The following CBFA2T3 variants were observed in gnomAD, a reference collection of about 807,000 sequenced individuals.
CBFA2T3 encodes transcriptional corepressor CBFA2T3.
CBFA2T3 carries 31 observed loss-of-function variants against 58.6 expected under a neutral mutation model. The ratio of observed to expected loss-of-function variants is 0.53; its 90% CI spans 0.40 to 0.71. The LOEUF is 0.71. CBFA2T3 is among the 30% of genes least tolerant of loss of function. The pLI, the probability that CBFA2T3 is intolerant of heterozygous loss-of-function variation, is 0.00. For missense variants in CBFA2T3, 1,076 were observed against 963.1 expected (o/e 1.12, Z -1.55); for synonymous variants, 531 against 421.9 (o/e 1.26, Z -3.17).
At chr16:88,952,663 T>C (rs1226482343) in intron 1 of CBFA2T3, among the ~76,000 whole-genome samples, 1 of 151,970 alleles carries the variant, frequency 6.6e-6, no homozygotes, top group Non-Finnish European at 1.5e-5. Context: ...GCCCACAAAC[T>C]CCTCTTAGCC....
chr16:88,904,647 C>T (rs898043981), intron 1 of CBFA2T3, among the ~76,000 whole-genome samples: 2 of 152,170 alleles, frequency 1.3e-5, no homozygotes, highest in African/African-American at 4.8e-5. Flanking sequence ...GGTGTCCTCC[C>T]CTCCGTTCTC....
In CBFA2T3 at chr16:88,915,937, AGT is replaced by A. The variant is rs370133457; in HGVS notation, c.152-14283_152-14282del. Among the ~76,000 whole-genome samples, 550 of 151,872 alleles carry A rather than the reference AGT, an allele frequency of 3.6e-3. 4 individuals carry two copies. Among genetic ancestry groups the A allele is most frequent in the African/African-American group, 0.012 (514 of 41,434 alleles). ...TATCCATTAGGCATGTGTGCGTGTG[AGT>A]GTGCATGCATGAGTGTACGTGGGTG... is the stretch of plus-strand genomic sequence containing the variant. On this transcript the variant is annotated intron_variant, in intron 1 of 11. Coordinates refer to ENST00000268679, the MANE Select transcript of CBFA2T3 (RefSeq NM_005187.6).
At chr16:88,967,208 C>A (rs1187265850) in intron 1 of CBFA2T3, among the ~76,000 whole-genome samples, 2 of 114,276 alleles carry the variant, frequency 1.8e-5, no homozygotes, top group Admixed American at 8.1e-5. Flanking sequence ...CGAGGCAGCG[C>A]CATGCCACCC....
intron 1 of CBFA2T3, among the ~76,000 whole-genome samples, chr16:88,940,735 G>A (rs1241645775): frequency 2.0e-5 from 3 of 152,106 alleles, no homozygotes; most frequent in East Asian, 3.9e-4. Flanking sequence ...GCCTTTGTTA[G>A]GAAAACCGGG....
chr16:88,876,730 T>C lies in CBFA2T3; in HGVS notation c.*246A>G. The stretch of plus-strand genomic sequence containing the variant: ...TCTGAGGATGCTTGAAGAGACGTTG[T>C]CAGGAGGTCTCCGCGCGGAATCATT... On this transcript the variant is annotated 3_prime_UTR_variant, in exon 12 of 12. Coordinates refer to ENST00000268679, the MANE Select transcript of CBFA2T3 (RefSeq NM_005187.6). 2.2e-6 allele frequency: 1 copy of C among 451,842 alleles called. No individual in the cohort carries two copies. Among genetic ancestry groups the C allele is most frequent in the East Asian group, 3.6e-5 (1 of 27,744 alleles). 28.0% of individuals were successfully genotyped at this position (451,842 alleles called of 1,614,324 possible).
rs767427959 is a variant in CBFA2T3 at position 88,898,155 on chromosome 16, G to A, written c.305-3C>T. ...CGTCGCAGGCCCGTCCTCTCGATCTGTAAGCAAAATAAGAAGAACACGCTG... is the reference window on the plus strand; with the variant it reads ...CGTCGCAGGCCCGTCCTCTCGATCTATAAGCAAAATAAGAAGAACACGCTG... On this transcript the variant is annotated splice_region_variant and splice_polypyrimidine_tract_variant and intron_variant, in intron 2 of 11. Coordinates refer to ENST00000268679, the MANE Select transcript of CBFA2T3 (RefSeq NM_005187.6). The A allele has an allele frequency of 2.9e-5, 47 of 1,610,708 alleles. No individual in the cohort carries two copies. The South Asian group carries it at 4.1e-4, about 14-fold the overall frequency.
At chr16:88,915,727 G>A (rs1230313137) in intron 1 of CBFA2T3, among the ~76,000 whole-genome samples, 2 of 117,384 alleles carry the variant, frequency 1.7e-5, no homozygotes, top group Non-Finnish European at 3.6e-5. Flanking sequence ...GAGGGGGAGC[G>A]TGGAAGGGGG....
intron 8 of CBFA2T3, among the ~76,000 whole-genome samples, chr16:88,882,191 G>A (rs1205872466): frequency 2.6e-5 from 4 of 152,242 alleles, no homozygotes; most frequent in Non-Finnish European, 5.9e-5. Flanking sequence ...CCACACAGGA[G>A]GGCACTGAGC....
At chr16:88,967,654 G>A (rs1432716239) in intron 1 of CBFA2T3, among the ~76,000 whole-genome samples, 3 of 152,180 alleles carry the variant, frequency 2.0e-5, no homozygotes, top group South Asian at 2.1e-4. Flanking sequence ...GGAGCAGGCC[G>A]GGGACGGGGA....
chr16:88,960,711 C>G (rs1390797690), intron 1 of CBFA2T3, among the ~76,000 whole-genome samples: 1 of 152,236 alleles, frequency 6.6e-6, no homozygotes, highest in African/African-American at 2.4e-5. Context: ...AGGTACCAGA[C>G]AGTGTCGTTG....
At chr16:88,946,747 C>T (rs973982994) in intron 1 of CBFA2T3, among the ~76,000 whole-genome samples, 1 of 152,012 alleles carries the variant, frequency 6.6e-6, no homozygotes, top group African/African-American at 2.4e-5. Context: ...TCCCACAGTG[C>T]TGGGATTACA....
intron 1 of CBFA2T3, among the ~76,000 whole-genome samples, chr16:88,967,009 G>T (rs1435380353): frequency 6.6e-6 from 1 of 152,192 alleles, no homozygotes; most frequent in Non-Finnish European, 1.5e-5. Context: ...ACGAGGGAAA[G>T]CATCCTTGAT....
chr16:88,897,893 G>A (rs1044472419), intron 3 of CBFA2T3, among the ~76,000 whole-genome samples, 185 bp downstream of exon 3: 4 of 152,332 alleles, frequency 2.6e-5, no homozygotes, highest in South Asian at 2.1e-4. Context: ...GCAGCGACCC[G>A]GCGGCTCTGC....
chr16:88,941,253 G>GGTC, intron 1 of CBFA2T3: 1 of 830,950 alleles, frequency 1.2e-6, no homozygotes, highest in Non-Finnish European at 1.4e-6. Flanking sequence ...AACAAAGCGC[G>GGTC]CACCCCGCCC....
At chr16:88,925,861 C>T (rs953172360) in intron 1 of CBFA2T3, among the ~76,000 whole-genome samples, 2 of 152,222 alleles carry the variant, frequency 1.3e-5, no homozygotes, top group East Asian at 1.9e-4. Flanking sequence ...GGTGGCACTG[C>T]GGAGTCGGTG....
rs779901587 is a variant in CBFA2T3, at chr16:88,892,412, G to C, written c.453C>G (p.Gly151=). ...APCTPNGFSN[G]PATSSTASLS... ...AGGAGGCTGTGGACGAGGTGGCCGG[G>C]CCATTGCTGAAGCCGTTGGGTGTGC... The change falls in exon 4 of 12, where the codon GGC becomes GGG. Residue 151 remains glycine, a synonymous_variant. Transcript: ENST00000268679. 6.2e-7 allele frequency: 1 copy of C among 1,613,574 alleles called. No homozygotes were observed. The highest frequency in any genetic ancestry group is 8.5e-7 in the Non-Finnish European group (1 of 1,180,022).
chr16:88,911,512 G>C (rs975714560), intron 1 of CBFA2T3, among the ~76,000 whole-genome samples: 3 of 152,230 alleles, frequency 2.0e-5, no homozygotes, highest in African/African-American at 7.2e-5. Flanking sequence ...TGAAGGACAG[G>C]GGCAGGGAGG....
intron 5 of CBFA2T3, among the ~76,000 whole-genome samples, chr16:88,891,473 T>G (rs576573500): frequency 6.6e-6 from 1 of 152,204 alleles, no homozygotes; most frequent in African/African-American, 2.4e-5. Context: ...AGGAGGGACC[T>G]GCTGCATGTC....
chr16:88,877,724 CCTGTGGTGGG>C (rs1181746136), intron 11 of CBFA2T3, among the ~76,000 whole-genome samples: 2 of 152,160 alleles, frequency 1.3e-5, no homozygotes, highest in Admixed American at 1.3e-4. Flanking sequence ...CTGCCCCCAC[CCTGTGGTGGG>C]CTCTGCTCCC....
Sources: gnomAD v4.1 joint callset for allele counts (sites outside exome capture counted in the v4.1 genomes callset) on GRCh38, gnomAD v4.1.1 for gene constraint, MANE v1.5 for transcripts, NCBI Gene and HGNC (gene_info 2026-07-23, HGNC 2026-07-21) for gene names.